Variants in CNIH3 observed in about 807,000 individuals in gnomAD.
The protein encoded by CNIH3 is cornichon family AMPA receptor auxiliary protein 3, also known as protein cornichon homolog 3.
In CNIH3, 14 loss-of-function variants were observed where a neutral mutation model predicts 24.1. That is an observed-to-expected ratio of 0.58 (90% CI 0.38 to 0.91). The LOEUF (loss-of-function observed/expected upper bound fraction) is 0.91, where lower values mean the gene tolerates loss of function less well. Ranked by LOEUF, CNIH3 falls within the 40% of genes least tolerant of loss-of-function variation. The probability of loss-of-function intolerance (pLI) is 0.00; values close to 1 mark genes in which losing one functional copy is unlikely to be tolerated. For synonymous variants in CNIH3, 68 were observed against 73.8 expected, an observed-to-expected ratio of 0.92 and a Z score of 0.40; for missense variants, 178 against 196.8, an observed-to-expected ratio of 0.90 and a Z score of 0.57.
chr1:224,715,350 G>A lies in CNIH3; in HGVS notation c.199-15112G>A, dbSNP rs569320061. On this transcript the variant is annotated intron_variant, in intron 3 of 5. Coordinates refer to ENST00000272133, the MANE Select transcript of CNIH3 (RefSeq NM_152495.2). ...TTTCGCTACTCATTCCTTGAAGGTT[G>A]GTGACCGCAAGGACTGTGTCCCCCA... Among the ~76,000 whole-genome samples the A allele has an allele frequency of 5.4e-4, 82 of 152,144 alleles. 1 individual carries two copies. In the South Asian group the frequency reaches 0.016, roughly 29 times the overall value.
intron 2 of CNIH3, among the ~76,000 whole-genome samples, chr1:224,525,454 C>T (rs1678808652): frequency 6.6e-6 from 1 of 152,196 alleles, no homozygotes; most frequent in African/African-American, 2.4e-5. Context: ...TTTTTCCCTC[C>T]TCCCAAGTGA....
chr1:224,518,122 A>G (rs766630235), intron 1 of CNIH3, among the ~76,000 whole-genome samples: 36 of 152,240 alleles, frequency 2.4e-4, no homozygotes, highest in Middle Eastern at 6.8e-3. Flanking sequence ...TTCTCTAGAT[A>G]CCCTGGGGAG....
intron 3 of CNIH3, among the ~76,000 whole-genome samples, chr1:224,699,631 C>A (rs894815493): frequency 2.6e-5 from 4 of 152,308 alleles, no homozygotes; most frequent in Middle Eastern, 6.8e-3. Flanking sequence ...AGGTTAGGGT[C>A]TATAGGGTAA....
At chr1:224,540,910 G>T (rs1679488063), downstream of CNIH3, among the ~76,000 whole-genome samples, 1 of 152,110 alleles carries the variant, frequency 6.6e-6, no homozygotes, top group Non-Finnish European at 1.5e-5. Context: ...TCGAAAACTA[G>T]ATTTCCAGAA....
chr1:224,523,391 A>T (rs1222048160), intron 2 of CNIH3, among the ~76,000 whole-genome samples: 1 of 152,244 alleles, frequency 6.6e-6, no homozygotes, highest in Non-Finnish European at 1.5e-5. Flanking sequence ...TGCTATGTGC[A>T]ACAACATGAA....
At chr1:224,567,881 T>G (rs1680645127) in intron 4 of CNIH3, among the ~76,000 whole-genome samples, 1 of 152,210 alleles carries the variant, frequency 6.6e-6, no homozygotes, top group Non-Finnish European at 1.5e-5. Context: ...TAGGGGAGCC[T>G]TGTTAGTCTT....
intron 1 of CNIH3, among the ~76,000 whole-genome samples, chr1:224,500,030 A>C (rs1677590432): frequency 6.6e-6 from 1 of 151,778 alleles, no homozygotes; most frequent in Non-Finnish European, 1.5e-5. Flanking sequence ...TTGAGACAGG[A>C]TCTTACTGTG....
At chr1:224,617,330 C>T (rs1233966814) in intron 1 of CNIH3, 75 bp downstream of exon 1, 1 of 1,531,696 alleles carries the variant, frequency 6.5e-7, no homozygotes, top group Non-Finnish European at 8.9e-7. Flanking sequence ...CCACTTTTTC[C>T]ACCTTGCGGG....
chr1:224,699,813 G>A (rs1178487681), intron 3 of CNIH3, among the ~76,000 whole-genome samples: 1 of 152,172 alleles, frequency 6.6e-6, no homozygotes, highest in Admixed American at 6.5e-5. Context: ...ACTTGTCAGG[G>A]ACATGCACTG....
chr1:224,558,747 C>T (rs552557056), intron 3 of CNIH3, among the ~76,000 whole-genome samples: 26 of 152,216 alleles, frequency 1.7e-4, no homozygotes, highest in African/African-American at 6.0e-4. Flanking sequence ...TTATTACAGC[C>T]CACTTTGTAA....
chr1:224,575,259 T>A (rs1278495793), intron 4 of CNIH3: 5 of 1,276,158 alleles, frequency 3.9e-6, no homozygotes, highest in South Asian at 1.2e-5. Flanking sequence ...TGCTGAGAAC[T>A]TTAAGGTCTT....
At chr1:224,597,791 C>T (rs1373386032) in intron 3 of CNIH3, among the ~76,000 whole-genome samples, 1 of 152,170 alleles carries the variant, frequency 6.6e-6, no homozygotes, top group Non-Finnish European at 1.5e-5. Context: ...AATTAATCTA[C>T]CCCAAGGAAG....
At chr1:224,701,460 A>G (rs1174067232) in intron 3 of CNIH3, among the ~76,000 whole-genome samples, 1 of 151,910 alleles carries the variant, frequency 6.6e-6, no homozygotes, top group Non-Finnish European at 1.5e-5. Flanking sequence ...CTCTCTCTGC[A>G]CCCTTTATCA....
chr1:224,618,620 C>G (rs1238626739), intron 1 of CNIH3, among the ~76,000 whole-genome samples: 2 of 152,216 alleles, frequency 1.3e-5, no homozygotes, highest in Non-Finnish European at 2.9e-5. Context: ...AGGAAAGACC[C>G]TTGCTGGCTT....
chr1:224,451,118 G>GT (rs1487566620), intron 1 of CNIH3, among the ~76,000 whole-genome samples: 1 of 152,178 alleles, frequency 6.6e-6, no homozygotes, highest in African/African-American at 2.4e-5. Flanking sequence ...CAGTCATGGG[G>GT]TATGGCCGAG....
chr1:224,528,873 C>A (rs1678948334), intron 2 of CNIH3, among the ~76,000 whole-genome samples: 1 of 152,194 alleles, frequency 6.6e-6, no homozygotes, highest in Non-Finnish European at 1.5e-5. Flanking sequence ...GACTACCCAA[C>A]TTGCGCGTGG....
chr1:224,625,644 A>G (rs1364086460), intron 1 of CNIH3, among the ~76,000 whole-genome samples: 2 of 152,218 alleles, frequency 1.3e-5, no homozygotes, highest in Non-Finnish European at 1.5e-5. Flanking sequence ...AGGCTAACTG[A>G]GCTTCAATCC....
rs552271835 is a variant in CNIH3, at chr1:224,517,721, T to TA, written n.15+1846dup. Among the ~76,000 whole-genome samples, 4 of 149,240 alleles carry TA rather than the reference T, an allele frequency of 2.7e-5. No homozygotes were observed. The South Asian group carries it at 9.0e-4, about 33-fold the overall frequency. ...TAACTCCCACCTGTGAGTGAGAACA[T>TA]ACGATGTTTGGTTTTCCATTCCTGA... On this transcript the variant is annotated intron_variant and non_coding_transcript_variant, in intron 1 of 2. Transcript: ENST00000470602.
At chr1:224,474,525 T>C (rs1676491448) in intron 1 of CNIH3, among the ~76,000 whole-genome samples, 1 of 151,758 alleles carries the variant, frequency 6.6e-6, no homozygotes, top group Non-Finnish European at 1.5e-5. Context: ...AACGATATAA[T>C]GATGTATCTT....
Sources: allele counts gnomAD v4.1 joint callset (sites outside exome capture counted in the v4.1 genomes callset), GRCh38; gene constraint gnomAD v4.1.1; transcripts MANE v1.5; gene names NCBI Gene and HGNC (gene_info 2026-07-23, HGNC 2026-07-21).